WDR25: variants seen among roughly 807,000 people sequenced by gnomAD.
The protein encoded by WDR25 is WD repeat-containing protein 25.
WDR25 carries 35 observed loss-of-function variants against 47.7 expected under a neutral mutation model. That is an observed-to-expected ratio of 0.73 (90% CI 0.56 to 0.97). The LOEUF is 0.97. Ranked by LOEUF, WDR25 falls within the 50% of genes least tolerant of loss-of-function variation. The pLI is 0.00. For missense variants in WDR25, 634 were observed against 704.7 expected (o/e 0.90, Z 1.14); for synonymous variants, 248 against 278.9 (o/e 0.89, Z 1.10).
In WDR25 at chr14:100,404,207, G is replaced by A. The variant is rs943441258; in HGVS notation, c.822+22461G>A. 2.0e-5 allele frequency among the ~76,000 whole-genome samples: 3 copies of A among 152,200 alleles called. No homozygotes were observed. The highest frequency in any genetic ancestry group is 7.2e-5 in the African/African-American group (3 of 41,448). On this transcript the variant is annotated intron_variant, in intron 2 of 6. Transcript: ENST00000402312. This position sits in a 1 kb window ranked among gnomAD's most constrained non-coding sequence, Gnocchi z 4.6. Reference sequence around the variant, plus strand: ...GTGCCGATGGCATGCCCCAACCTGCGTCCAAGGACCTGGGGCTGAGAGGGC... The same window carrying A: ...GTGCCGATGGCATGCCCCAACCTGCATCCAAGGACCTGGGGCTGAGAGGGC...
intron 2 of WDR25, among the ~76,000 whole-genome samples, chr14:100,399,787 T>C (rs1049362212): frequency 2.0e-5 from 3 of 152,258 alleles, no homozygotes; most frequent in Non-Finnish European, 4.4e-5. Context: ...TAGATGGTCA[T>C]TTTTGATTTC....
chr14:100,465,176 G>T (rs753262172), intron 2 of WDR25, among the ~76,000 whole-genome samples: 16 of 151,504 alleles, frequency 1.1e-4, no homozygotes, highest in Non-Finnish European at 1.5e-4. Flanking sequence ...TTGTGTGTGT[G>T]TGTGTATTTT....
chr14:100,486,719 T>C (rs1277012828), intron 4 of WDR25, among the ~76,000 whole-genome samples: 2 of 152,192 alleles, frequency 1.3e-5, no homozygotes, highest in East Asian at 3.8e-4. Flanking sequence ...TGGGCGTGTA[T>C]GTGAACATCC....
Position 100,404,298 on chromosome 14 carries a change from CTA to C in WDR25, c.822+22554_822+22555del, listed in dbSNP as rs1897468415. 6.6e-6 allele frequency among the ~76,000 whole-genome samples: 1 copy of C among 152,224 alleles called. No individual in the cohort carries two copies. The highest frequency in any genetic ancestry group is 2.4e-5 in the African/African-American group (1 of 41,466). On this transcript the variant is annotated intron_variant, in intron 2 of 6. Coordinates refer to ENST00000402312, the MANE Select transcript of WDR25 (RefSeq NM_001161476.3). This position sits in a 1 kb window ranked among gnomAD's most constrained non-coding sequence, Gnocchi z 4.6. ...GTCCAGGGCTGTTTGCTCCCAAAGTCTATGTTCGTTCCACTCTCCCACGCCAG... is the reference window on the plus strand; with the variant it reads ...GTCCAGGGCTGTTTGCTCCCAAAGTCTGTTCGTTCCACTCTCCCACGCCAG...
chr14:100,513,896 C>T (rs939112237), intron 4 of WDR25, among the ~76,000 whole-genome samples: 10 of 151,622 alleles, frequency 6.6e-5, no homozygotes, highest in Non-Finnish European at 1.3e-4. Flanking sequence ...ATAGACATTC[C>T]TGGCTTATTT....
chr14:100,454,932 T>A (rs565084940), intron 2 of WDR25: 50 of 157,352 alleles, frequency 3.2e-4, no homozygotes, highest in African/African-American at 1.1e-3. Context: ...TTTTTTTTTT[T>A]AAATCAATAT....
intron 2 of WDR25, among the ~76,000 whole-genome samples, chr14:100,408,639 G>A (rs1422753481): frequency 1.3e-5 from 2 of 152,168 alleles, no homozygotes; most frequent in African/African-American, 2.4e-5. Flanking sequence ...TGAGAGCCAC[G>A]CAAGTGTTTG....
intron 2 of WDR25, among the ~76,000 whole-genome samples, chr14:100,445,231 T>G (rs569773372): frequency 6.6e-6 from 1 of 152,316 alleles, no homozygotes; most frequent in South Asian, 2.1e-4. Flanking sequence ...AATTTAAGAT[T>G]AGGGGATTCG....
intron 2 of WDR25, among the ~76,000 whole-genome samples, chr14:100,418,618 T>C (rs1231913215): frequency 2.0e-5 from 3 of 146,498 alleles, no homozygotes; most frequent in African/African-American, 7.5e-5. Context: ...GCCTGGCGAC[T>C]GAGCGAGACT....
At position 100,407,748 on chromosome 14, in the gene WDR25, A is replaced by G. The variant is rs546570128; in HGVS notation, c.822+26002A>G. The G allele has an allele frequency of 6.6e-6, 1 of 152,320 alleles. No individual in the cohort carries two copies. Among genetic ancestry groups the G allele is most frequent in the East Asian group, 1.9e-4 (1 of 5,184 alleles). The allele number at this position is 152,320 out of a possible 1,614,324, so 9.4% of individuals were successfully genotyped here. ...CACTTCAGTGCCTAAACAGGCCCTG[A>G]CACCCAGTTTGGCTAGGTTGAGTCT... On this transcript the variant is annotated intron_variant, in intron 2 of 6. Transcript: ENST00000402312. This position sits in a 1 kb window ranked among gnomAD's most constrained non-coding sequence, Gnocchi z 4.1.
intron 2 of WDR25, among the ~76,000 whole-genome samples, chr14:100,447,774 T>C (rs1468598423): frequency 6.6e-6 from 1 of 152,232 alleles, no homozygotes; most frequent in Non-Finnish European, 1.5e-5. Flanking sequence ...CCCACCGTGC[T>C]GAATCAGGCT....
At chr14:100,464,841 T>C (rs1487170718) in intron 2 of WDR25, among the ~76,000 whole-genome samples, 2 of 139,104 alleles carry the variant, frequency 1.4e-5, no homozygotes, top group Non-Finnish European at 3.1e-5. Context: ...TGCCATCTAC[T>C]CTTTCCTACC....
At chr14:100,461,800 A>G (rs1305375525) in intron 2 of WDR25, among the ~76,000 whole-genome samples, 1 of 152,164 alleles carries the variant, frequency 6.6e-6, no homozygotes, top group Non-Finnish European at 1.5e-5. Context: ...TCTCCGAGAT[A>G]AGAGTGAGTA....
intron 5 of WDR25, among the ~76,000 whole-genome samples, chr14:100,526,673 C>T (rs1233286855): frequency 6.6e-6 from 1 of 151,770 alleles, no homozygotes; most frequent in Non-Finnish European, 1.5e-5. Context: ...CTACCACCAC[C>T]AGTGTCATCA....
intron 2 of WDR25, among the ~76,000 whole-genome samples, chr14:100,387,103 ATGGGGATAAT>A (rs1255033398): frequency 6.6e-6 from 1 of 151,642 alleles, no homozygotes; most frequent in Non-Finnish European, 1.5e-5. Flanking sequence ...CACTGGTAAA[ATGGGGATAAT>A]TGGTAAATGG....
At position 100,381,582 on chromosome 14, in the gene WDR25, T is replaced by G; in HGVS notation, c.658T>G (p.Phe220Val). 1 of 1,609,562 alleles carries G rather than the reference T, an allele frequency of 6.2e-7. No homozygotes were observed. The highest frequency in any genetic ancestry group is 8.5e-7 in the Non-Finnish European group (1 of 1,176,930). Residue 220 changes from phenylalanine (F) to valine (V), a missense_variant, in exon 2 of 7, where the codon TTT becomes GTT. Transcript: ENST00000402312. ...PLYVGPGVSE[F>V]IQPYLNSHYK... ...CTACGTGGGCCCGGGAGTGTCTGAGTTTATTCAGCCATATTTGAATAGCCA... is the reference window on the plus strand; with the variant it reads ...CTACGTGGGCCCGGGAGTGTCTGAGGTTATTCAGCCATATTTGAATAGCCA...
At chr14:100,491,969 C>T (rs1044403333) in intron 4 of WDR25, among the ~76,000 whole-genome samples, 29 of 152,314 alleles carry the variant, frequency 1.9e-4, no homozygotes, top group Non-Finnish European at 3.1e-4. Flanking sequence ...CAGCCATTGA[C>T]GGGATTGGAT....
chr14:100,519,535 G>T (rs567524009), intron 4 of WDR25, among the ~76,000 whole-genome samples: 1 of 151,070 alleles, frequency 6.6e-6, no homozygotes, highest in African/African-American at 2.4e-5. Flanking sequence ...TTCATTAAAA[G>T]TTATTATAAC....
intron 4 of WDR25, among the ~76,000 whole-genome samples, chr14:100,491,412 T>C (rs1900561364): frequency 6.6e-6 from 1 of 152,230 alleles, no homozygotes; most frequent in Admixed American, 6.5e-5. Flanking sequence ...TTTCGGTCAA[T>C]GTCAGACCAT....
Sources: allele counts gnomAD v4.1 joint callset (sites outside exome capture counted in the v4.1 genomes callset), GRCh38; gene constraint gnomAD v4.1.1; non-coding constraint Gnocchi (gnomAD v3.1); transcripts MANE v1.5; gene names NCBI Gene and HGNC (gene_info 2026-07-23, HGNC 2026-07-21).